Variants in SHANK2 observed in about 807,000 individuals in gnomAD.
SHANK2 encodes SH3 and multiple ankyrin repeat domains protein 2.
In SHANK2, 43 loss-of-function variants were observed where a neutral mutation model predicts 133.7. The ratio of observed to expected loss-of-function variants is 0.32; its 90% CI spans 0.25 to 0.41. SHANK2 has a LOEUF of 0.41. Among genes scored for constraint, SHANK2 ranks in the 10% least tolerant of loss-of-function variants. The pLI, the probability that SHANK2 is intolerant of heterozygous loss-of-function variation, is 1.00. For synonymous variants in SHANK2, 1,017 were observed against 952.8 expected (o/e 1.07, Z -1.24); for missense variants, 1,994 against 2,235.8 (o/e 0.89, Z 2.18).
At chr11:71,210,935 C>T (rs1004538969) in intron 2 of SHANK2, among the ~76,000 whole-genome samples, 4 of 152,182 alleles carry the variant, frequency 2.6e-5, no homozygotes, top group Non-Finnish European at 4.4e-5. Flanking sequence ...ATAACAGGTC[C>T]AAGACAGACG....
Position 70,709,847 on chromosome 11 carries a change from C to G in SHANK2, c.1778-11084G>C, listed in dbSNP as rs560369382. Among the ~76,000 whole-genome samples, 624 of 152,168 alleles carry G rather than the reference C, an allele frequency of 4.1e-3. 3 individuals carry two copies. Among genetic ancestry groups the G allele is most frequent in the African/African-American group, 0.014 (592 of 41,520 alleles). On this transcript the variant is annotated intron_variant, in intron 14 of 25. Transcript: ENST00000601538. The stretch of plus-strand genomic sequence containing the variant: ...CTGGGGAGAGAGGAGAGAAGAGGAG[C>G]CAGCCGCAGGCCTCAGGTCACCAGT...
chr11:70,599,889 A>AAGAAAGAAAG lies in SHANK2; in HGVS notation c.2061+59938_2061+59939insCTTTCTTTCT, dbSNP rs376412663. 7.3e-4 allele frequency among the ~76,000 whole-genome samples: 54 copies of AAGAAAGAAAG among 73,668 alleles called. 1 individual carries two copies. Among genetic ancestry groups the AAGAAAGAAAG allele is most frequent in the African/African-American group, 2.3e-3 (39 of 17,312 alleles). The allele number at this position is 73,668 out of a possible 152,430, so 48.3% of individuals were successfully genotyped here. On this transcript the variant is annotated intron_variant, in intron 17 of 25. Transcript: ENST00000601538. ...AAAGAAAGAAAGAAAGAAAGAAAGA[A>AAGAAAGAAAG]AAAGAAAGAAAGAAAGAGAAAGAAA...
intron 17 of SHANK2, among the ~76,000 whole-genome samples, chr11:70,652,912 C>T (rs545571385): frequency 2.0e-5 from 3 of 152,148 alleles, no homozygotes; most frequent in South Asian, 2.1e-4. Context: ...TTTATCAACA[C>T]GAATACTGGG....
At chr11:70,545,709 T>C (rs1313274998) in intron 17 of SHANK2, among the ~76,000 whole-genome samples, 1 of 152,224 alleles carries the variant, frequency 6.6e-6, no homozygotes, top group Non-Finnish European at 1.5e-5. Flanking sequence ...CAGCTGGGTG[T>C]CCTACTGCTC....
chr11:70,913,100 AC>A (rs1487550338), intron 10 of SHANK2, among the ~76,000 whole-genome samples: 1 of 141,370 alleles, frequency 7.1e-6, no homozygotes, highest in Non-Finnish European at 1.6e-5. Context: ...AAAAAAAAAA[AC>A]CTACCCTCCC....
intron 11 of SHANK2, among the ~76,000 whole-genome samples, chr11:70,846,925 T>C (rs1555063623): frequency 1.3e-5 from 2 of 152,188 alleles, no homozygotes; most frequent in African/African-American, 2.4e-5. Flanking sequence ...CGTGGTGCTA[T>C]TTAAGAGTTT....
chr11:71,192,605 C>A (rs2135586706), intron 2 of SHANK2, among the ~76,000 whole-genome samples: 1 of 152,288 alleles, frequency 6.6e-6, no homozygotes, highest in Non-Finnish European at 1.5e-5. Context: ...ACACAAGGTC[C>A]AGGTGAAAGG....
intron 14 of SHANK2, among the ~76,000 whole-genome samples, chr11:70,757,005 C>T (rs535497886): frequency 2.1e-4 from 32 of 152,306 alleles, no homozygotes; most frequent in African/African-American, 7.7e-4. Flanking sequence ...TAGCAGTTTC[C>T]ATGATATTGG....
intron 5 of SHANK2, among the ~76,000 whole-genome samples, chr11:71,112,847 CTG>C (rs1555099624): frequency 1.3e-5 from 2 of 152,060 alleles, no homozygotes; most frequent in Non-Finnish European, 2.9e-5. Flanking sequence ...TCTGAACACT[CTG>C]TGCAACGCCC....
intron 13 of SHANK2, among the ~76,000 whole-genome samples, chr11:70,806,718 T>A (rs1315728318): frequency 3.3e-5 from 5 of 152,200 alleles, no homozygotes; most frequent in Admixed American, 3.3e-4. Context: ...TGCTCTTCGA[T>A]GCCCTCATCT....
chr11:71,181,113 G>A (rs1400918819), intron 2 of SHANK2, among the ~76,000 whole-genome samples: 1 of 152,084 alleles, frequency 6.6e-6, no homozygotes, highest in Non-Finnish European at 1.5e-5. Flanking sequence ...AACTGCTGAC[G>A]AGGGGAGGTC....
chr11:71,218,730 G>A (rs183783139), intron 2 of SHANK2, among the ~76,000 whole-genome samples: 55 of 152,272 alleles, frequency 3.6e-4, no homozygotes, highest in Non-Finnish European at 7.1e-4. Context: ...AAAGACTCAC[G>A]TGAAAATCCA....
chr11:70,473,141 G>A lies in SHANK2; in HGVS notation c.5278C>T (p.Arg1760Cys). Residue 1760 changes from arginine to cysteine, a missense_variant, in exon 26 of 26, where the codon CGC becomes TGC. Physicochemically the swap from Arg to Cys is radical, Grantham distance 180 (BLOSUM62 -3). Coordinates refer to ENST00000601538, the MANE Select transcript of SHANK2 (RefSeq NM_012309.5). The surrounding 1 kb of genome is among the most constrained non-coding windows in gnomAD (Gnocchi z 5.9). ...GDLFGLNPAG[R>C]SRSPSPSILQ... ...ATCGAGGGGGATGGCGACCTACTGCGTCCCGCTGGGTTCAAGCCAAATAGA... is the reference window on the plus strand; with the variant it reads ...ATCGAGGGGGATGGCGACCTACTGCATCCCGCTGGGTTCAAGCCAAATAGA... 8 of 1,614,250 alleles carry A rather than the reference G, an allele frequency of 5.0e-6. No homozygotes were observed. Among genetic ancestry groups the A allele is most frequent in the Non-Finnish European group, 6.8e-6 (8 of 1,180,054 alleles).
chr11:70,879,554 G>A (rs1214244716), intron 11 of SHANK2, among the ~76,000 whole-genome samples: 4 of 152,286 alleles, frequency 2.6e-5, no homozygotes, highest in Admixed American at 1.3e-4. Flanking sequence ...TGGAACCCTC[G>A]TCCCTCTGGG....
At chr11:70,691,658 G>A (rs782039104) in intron 15 of SHANK2, among the ~76,000 whole-genome samples, 4 of 152,230 alleles carry the variant, frequency 2.6e-5, no homozygotes, top group Non-Finnish European at 5.9e-5. Context: ...TTGGGAGGCT[G>A]AGGCTGGTGG....
intron 3 of SHANK2, among the ~76,000 whole-genome samples, chr11:71,123,508 A>G (rs1952116695): frequency 6.6e-6 from 1 of 152,116 alleles, no homozygotes; most frequent in Non-Finnish European, 1.5e-5. Context: ...GCCCATCATA[A>G]GGAGAGGGAG....
rs1240276642 is a variant in SHANK2, at chr11:71,247,148, G to A, written c.-113+5277C>T. The stretch of plus-strand genomic sequence containing the variant: ...AAGTGGCTGTATAAATTCAAGAAAA[G>A]AACGATGAAAATGTCCTAAAGCTCA... On this transcript the variant is annotated intron_variant, in intron 1 of 25. Transcript: ENST00000601538. 2.0e-5 allele frequency among the ~76,000 whole-genome samples: 3 copies of A among 152,248 alleles called. No individual in the cohort carries two copies. The East Asian group carries it at 5.8e-4, about 29-fold the overall frequency.
intron 17 of SHANK2, among the ~76,000 whole-genome samples, chr11:70,556,393 TTCTCTCTC>T (rs1157375439): frequency 6.7e-4 from 8 of 11,980 alleles, no homozygotes; most frequent in South Asian, 4.8e-3. Flanking sequence ...CTTTCTTTCT[TTCTCTCTC>T]TCTCTCTCTC....
At chr11:70,946,858 C>T (rs1414803110) in intron 10 of SHANK2, among the ~76,000 whole-genome samples, 1 of 146,854 alleles carries the variant, frequency 6.8e-6, no homozygotes, top group African/African-American at 2.5e-5. Context: ...CATCCTCCCT[C>T]TCCACTAACT....
Sources: gnomAD v4.1 joint callset for allele counts (sites outside exome capture counted in the v4.1 genomes callset) on GRCh38, gnomAD v4.1.1 for gene constraint, Gnocchi (gnomAD v3.1) non-coding constraint, MANE v1.5 for transcripts, NCBI Gene and HGNC (gene_info 2026-07-23, HGNC 2026-07-21) for gene names.